The following INPP4A variants were observed in gnomAD, a reference collection of about 807,000 sequenced individuals.
INPP4A encodes the protein inositol polyphosphate-4-phosphatase type I A.
A neutral mutation model predicts 119.8 loss-of-function variants in INPP4A; 33 were observed. That is an observed-to-expected ratio of 0.28 (90% CI 0.21 to 0.37). The LOEUF (loss-of-function observed/expected upper bound fraction) is 0.37, where lower values mean the gene tolerates loss of function less well. Among genes scored for constraint, INPP4A ranks in the 10% least tolerant of loss-of-function variants. The pLI is 1.00. For synonymous variants in INPP4A, 496 were observed against 500.7 expected (o/e 0.99, Z 0.12); for missense variants, 956 against 1,289.9 (o/e 0.74, Z 3.97).
At chr2:98,537,769 G>T in intron 7 of INPP4A, 94 bp from the exon 8 acceptor site, 3 of 918,002 alleles carry the variant, frequency 3.3e-6, no homozygotes, top group Non-Finnish European at 3.5e-6. Flanking sequence ...CTGCCCCCAG[G>T]ACCCTGATGA....
intron 1 of INPP4A, among the ~76,000 whole-genome samples, chr2:98,494,847 A>G (rs1311403731): frequency 6.6e-6 from 1 of 152,240 alleles, no homozygotes; most frequent in Non-Finnish European, 1.5e-5. Flanking sequence ...CAATAGAGCA[A>G]TCAGGCAGCA....
chr2:98,549,069 C>A, intron 13 of INPP4A: 3 of 1,072,336 alleles, frequency 2.8e-6, no homozygotes, highest in Non-Finnish European at 4.2e-6. Context: ...GCTTCCCCTG[C>A]GGTGCTGCCA....
rs1320693278 is a variant in INPP4A, at chr2:98,552,853, G to A, written c.1231G>A (p.Ala411Thr). Reference protein sequence around the residue: ...QDVVRAKEIIAQINTLKTQVS... With the variant: ...QDVVRAKEIITQINTLKTQVS... ...TGTTGTCAGAGCCAAGGAGATCATC[G>A]CCCAGATCAACACCCTGAAAACCCA... Residue 411 changes from alanine (A) to threonine (T), a missense_variant, in exon 14 of 25, where the codon GCC becomes ACC. Physicochemically the swap from Ala to Thr is moderately conservative, Grantham distance 58 (BLOSUM62 0). Transcript: ENST00000409851. 5 of 1,613,592 alleles carry A rather than the reference G, an allele frequency of 3.1e-6. No individual in the cohort carries two copies. Among genetic ancestry groups the A allele is most frequent in the Admixed American group, 1.7e-5 (1 of 59,986 alleles).
intron 1 of INPP4A, among the ~76,000 whole-genome samples, chr2:98,460,126 T>C (rs1696890687): frequency 6.6e-6 from 1 of 152,076 alleles, no homozygotes; most frequent in Non-Finnish European, 1.5e-5. Context: ...TGTGTGTGTG[T>C]GTGTGTATGT....
intron 1 of INPP4A, among the ~76,000 whole-genome samples, chr2:98,498,337 C>G (rs1682450704): frequency 6.6e-6 from 1 of 152,022 alleles, no homozygotes; most frequent in South Asian, 2.1e-4. Context: ...TCACTTGGCT[C>G]TCATTCTCTC....
chr2:98,447,002 G>A (rs1370340624), intron 1 of INPP4A, among the ~76,000 whole-genome samples: 1 of 152,148 alleles, frequency 6.6e-6, no homozygotes, highest in Non-Finnish European at 1.5e-5. Flanking sequence ...CTAAGAGGGA[G>A]CGTTCTCAGC....
Position 98,554,527 on chromosome 2 carries a change from C to T in INPP4A, c.1566+38C>T, listed in dbSNP as rs770200965. ...CTGTGGCTGTCATCCCACTGCTGAA[C>T]TTGGGCTGAAAACCACAAAACCTGT... On this transcript the variant is annotated intron_variant, in intron 15 of 24. Transcript: ENST00000409851. This position sits in a 1 kb window ranked among gnomAD's most constrained non-coding sequence, Gnocchi z 4.7. 2.0e-5 allele frequency: 32 copies of T among 1,576,256 alleles called. No individual in the cohort carries two copies. Among genetic ancestry groups the T allele is most frequent in the Non-Finnish European group, 2.7e-5 (31 of 1,153,952 alleles).
chr2:98,559,637 A>G, intron 17 of INPP4A, 142 bp downstream of exon 17: 1 of 896,556 alleles, frequency 1.1e-6, no homozygotes, highest in African/African-American at 1.7e-5. Flanking sequence ...GTGAGGCATA[A>G]AACACTTTTC....
chr2:98,532,412 G>A (rs1054809522), intron 4 of INPP4A, among the ~76,000 whole-genome samples: 2 of 151,990 alleles, frequency 1.3e-5, no homozygotes, highest in East Asian at 1.9e-4. Context: ...TTAAAATTGC[G>A]ATAAAATGTA....
At chr2:98,577,758 G>A (rs1296784178) in intron 24 of INPP4A, among the ~76,000 whole-genome samples, 1 of 152,174 alleles carries the variant, frequency 6.6e-6, no homozygotes, top group African/African-American at 2.4e-5. Context: ...ATGAAACCCG[G>A]AACTAAAAGT....
At chr2:98,520,792 A>C (rs1335042379) in intron 4 of INPP4A, 61 bp downstream of exon 4, 2 of 937,336 alleles carry the variant, frequency 2.1e-6, no homozygotes, top group Non-Finnish European at 3.3e-6. Flanking sequence ...TGAAAACAAA[A>C]ACACTACCAC....
At chr2:98,524,346 C>T (rs1288127373) in intron 4 of INPP4A, among the ~76,000 whole-genome samples, 1 of 152,098 alleles carries the variant, frequency 6.6e-6, no homozygotes, top group Non-Finnish European at 1.5e-5. Context: ...TGGAAATATG[C>T]CAAATGAATG....
intron 1 of INPP4A, among the ~76,000 whole-genome samples, chr2:98,491,828 C>T (rs959966003): frequency 3.9e-5 from 6 of 152,158 alleles, no homozygotes; most frequent in African/African-American, 1.4e-4. Context: ...TACAGATGCT[C>T]CTCGACTTAA....
intron 1 of INPP4A, among the ~76,000 whole-genome samples, chr2:98,513,380 A>C (rs1685496283): frequency 6.6e-6 from 1 of 151,310 alleles, no homozygotes; most frequent in South Asian, 2.1e-4. Flanking sequence ...TTCTTCTCAT[A>C]CCTGTTTTAT....
At chr2:98,532,257 TC>T (rs1363772668) in intron 4 of INPP4A, among the ~76,000 whole-genome samples, 2 of 152,180 alleles carry the variant, frequency 1.3e-5, no homozygotes, top group Admixed American at 6.5e-5. Flanking sequence ...TCCTTTTTTC[TC>T]CCTGTTCTTT....
chr2:98,447,031 A>G (rs1195430756), intron 1 of INPP4A, among the ~76,000 whole-genome samples: 2 of 152,202 alleles, frequency 1.3e-5, no homozygotes, highest in Non-Finnish European at 2.9e-5. Context: ...CTTCAAATGC[A>G]CACGGGAATG....
chr2:98,574,601 G>A (rs1698098514), intron 23 of INPP4A, among the ~76,000 whole-genome samples: 1 of 149,378 alleles, frequency 6.7e-6, no homozygotes, highest in African/African-American at 2.5e-5. Context: ...TCACACTACT[G>A]CACTCCAGCC....
intron 1 of INPP4A, among the ~76,000 whole-genome samples, chr2:98,509,778 T>C (rs1297309723): frequency 6.6e-6 from 1 of 152,196 alleles, no homozygotes; most frequent in East Asian, 1.9e-4. Context: ...AAAGCACTTT[T>C]TTCAGGGCAA....
Position 98,545,966 on chromosome 2 carries a change from T to C in INPP4A, c.950-3T>C, listed in dbSNP as rs1692410438. On this transcript the variant is annotated splice_polypyrimidine_tract_variant and splice_region_variant and intron_variant, in intron 11 of 24. Transcript: ENST00000409851. Reference sequence around the variant, plus strand: ...CTTTATCTTCTCCTATTCCATTTCTTAGGGCCCTCGTTTAAAGCAAGCAGT... The same window carrying C: ...CTTTATCTTCTCCTATTCCATTTCTCAGGGCCCTCGTTTAAAGCAAGCAGT... 1.3e-6 allele frequency: 2 copies of C among 1,581,362 alleles called. No individual in the cohort carries two copies. The highest frequency in any genetic ancestry group is 4.6e-5 in the East Asian group (2 of 43,800).
Sources: allele counts gnomAD v4.1 joint callset (sites outside exome capture counted in the v4.1 genomes callset), GRCh38; gene constraint gnomAD v4.1.1; non-coding constraint Gnocchi (gnomAD v3.1); transcripts MANE v1.5; gene names NCBI Gene and HGNC (gene_info 2026-07-23, HGNC 2026-07-21).